Variants in FBXO25 observed in about 807,000 individuals in gnomAD.
FBXO25 encodes the protein F-box only protein 25.
FBXO25 carries 45 observed loss-of-function variants against 51.9 expected under a neutral mutation model. That is an observed-to-expected ratio of 0.87 (90% CI 0.68 to 1.11). The LOEUF (loss-of-function observed/expected upper bound fraction) is 1.11, where lower values mean the gene tolerates loss of function less well. Among genes scored for constraint, FBXO25 ranks in the 50% most tolerant of loss-of-function variants. The pLI, the probability that FBXO25 is intolerant of heterozygous loss-of-function variation, is 0.00. For synonymous variants in FBXO25, 199 were observed against 151.0 expected (o/e 1.32, Z -2.33); for missense variants, 507 against 428.5 (o/e 1.18, Z -1.62).
In FBXO25 at chr8:450,094, C is replaced by T; in HGVS notation, c.475+11C>T. On this transcript the variant is annotated intron_variant, in intron 6 of 9. Coordinates refer to ENST00000350302, the MANE Select transcript of FBXO25 (RefSeq NM_183420.2). ...AAATCGTTCAAAAGGGTAAGATGAT[C>T]ACTGTATTTTTAATACTCTAAATCT... is the stretch of plus-strand genomic sequence containing the variant. 1 of 1,582,716 alleles carries T rather than the reference C, an allele frequency of 6.3e-7. No homozygotes were observed. Among genetic ancestry groups the T allele is most frequent in the Non-Finnish European group, 8.6e-7 (1 of 1,156,736 alleles).
In FBXO25 at chr8:475,914, C is replaced by T. The variant is rs917001793; in HGVS notation, c.*7110C>T. 5.3e-5 allele frequency: 8 copies of T among 152,108 alleles called. No individual in the cohort carries two copies. Among genetic ancestry groups the T allele is most frequent in the African/African-American group, 9.7e-5 (4 of 41,436 alleles). The allele number at this position is 152,108 out of a possible 1,614,324, so 9.4% of individuals were successfully genotyped here. Reference sequence around the variant, plus strand: ...TTCTTGCCTAACTGCTCTAAGACTCCAGTACTGTGTTAAACAGAAGTGGTG... The same window carrying T: ...TTCTTGCCTAACTGCTCTAAGACTCTAGTACTGTGTTAAACAGAAGTGGTG... On this transcript the variant is annotated 3_prime_UTR_variant, in exon 10 of 10. Transcript: ENST00000350302.
At chr8:438,845 G>A (rs1036458891) in intron 5 of FBXO25, among the ~76,000 whole-genome samples, 2 of 152,266 alleles carry the variant, frequency 1.3e-5, no homozygotes, top group East Asian at 1.9e-4. Flanking sequence ...TGGCCTCACC[G>A]CCCCCATCAT....
chr8:436,928 G>T (rs779901282), intron 5 of FBXO25, among the ~76,000 whole-genome samples: 3 of 152,182 alleles, frequency 2.0e-5, no homozygotes, highest in Non-Finnish European at 4.4e-5. Flanking sequence ...GGTGGTTTCT[G>T]TGCTGGGTGC....
chr8:476,138 T>C lies in FBXO25; in HGVS notation c.*7334T>C, dbSNP rs1312853576. ...TCAATGGAGATCACATTTTTTTCCT[T>C]CATTCTATTAATGTAATAGACATTA... On this transcript the variant is annotated 3_prime_UTR_variant, in exon 10 of 10. Transcript: ENST00000350302. The C allele has an allele frequency of 2.0e-5, 3 of 152,170 alleles. No homozygotes were observed. The highest frequency in any genetic ancestry group is 7.2e-5 in the African/African-American group (3 of 41,444). 9.4% of individuals were successfully genotyped at this position (152,170 alleles called of 1,614,324 possible). A position where few individuals can be genotyped will look rare whatever the true frequency, so the allele number is the denominator to read the frequency against.
intron 9 of FBXO25, chr8:468,028 C>G (rs896645308): frequency 4.4e-5 from 57 of 1,293,772 alleles, no homozygotes; most frequent in Non-Finnish European, 5.5e-5. Flanking sequence ...TTTGGCAGCA[C>G]TGCCAGGGCA....
At position 474,850 on chromosome 8, in the gene FBXO25, C is replaced by G. The variant is rs868832217; in HGVS notation, c.*6046C>G. 3 of 452,144 alleles carry G rather than the reference C, an allele frequency of 6.6e-6. No homozygotes were observed. The highest frequency in any genetic ancestry group is 6.5e-4 in the Middle Eastern group (2 of 3,054). 28.0% of individuals were successfully genotyped at this position (452,144 alleles called of 1,614,324 possible). A position where few individuals can be genotyped will look rare whatever the true frequency, so the allele number is the denominator to read the frequency against. On this transcript the variant is annotated 3_prime_UTR_variant, in exon 10 of 10. Coordinates refer to ENST00000350302, the MANE Select transcript of FBXO25 (RefSeq NM_183420.2). ...AGAAGTTGTTTCTTTCTTTTAGTTA[C>G]CTGTGTGTGCCTCTGGTGTCATATC...
chr8:454,742 T>G (rs369721874), intron 7 of FBXO25, among the ~76,000 whole-genome samples: 1 of 151,734 alleles, frequency 6.6e-6, no homozygotes, highest in East Asian at 1.9e-4. Flanking sequence ...ATACAAAAAA[T>G]TAGCCGGGCG....
At chr8:466,514 AAACT>A (rs1383999521) in intron 9 of FBXO25, among the ~76,000 whole-genome samples, 1 of 152,212 alleles carries the variant, frequency 6.6e-6, no homozygotes, top group Non-Finnish European at 1.5e-5. Context: ...GTTGACTGAG[AAACT>A]AAAGTAATAT....
rs114494227 is a variant in FBXO25 at position 421,783 on chromosome 8, T to A, written c.134+8570T>A. Among the ~76,000 whole-genome samples, 1,437 of 152,152 alleles carry A rather than the reference T, an allele frequency of 9.4e-3. 20 individuals carry two copies. Among genetic ancestry groups the A allele is most frequent in the African/African-American group, 0.033 (1,360 of 41,492 alleles). ...GAAGGGGTTGGTTCCAGGGCTGGGATAGAGCAAATGAAAGGTGAGTGATGG... is the reference window on the plus strand; with the variant it reads ...GAAGGGGTTGGTTCCAGGGCTGGGAAAGAGCAAATGAAAGGTGAGTGATGG... On this transcript the variant is annotated intron_variant, in intron 2 of 9. Transcript: ENST00000350302.
intron 2 of FBXO25, among the ~76,000 whole-genome samples, chr8:424,486 A>G (rs1427666856): frequency 6.6e-6 from 1 of 152,226 alleles, no homozygotes; most frequent in Non-Finnish European, 1.5e-5. Flanking sequence ...CCAGGATCTT[A>G]CAGTTTGAGG....
chr8:420,642 T>A (rs1797092577), intron 2 of FBXO25, among the ~76,000 whole-genome samples: 1 of 152,240 alleles, frequency 6.6e-6, no homozygotes, highest in African/African-American at 2.4e-5. Flanking sequence ...CATGGATGAA[T>A]CTTAAATTCG....
intron 5 of FBXO25, among the ~76,000 whole-genome samples, chr8:445,730 G>C (rs1798699406): frequency 6.6e-6 from 1 of 152,152 alleles, no homozygotes; most frequent in South Asian, 2.1e-4. Context: ...AAACTACCGG[G>C]CATGGTGGCA....
Position 413,078 on chromosome 8 carries a change from C to T in FBXO25, c.-2C>T. 6.6e-7 allele frequency: 1 copy of T among 1,509,970 alleles called. No homozygotes were observed. The highest frequency in any genetic ancestry group is 8.8e-7 in the Non-Finnish European group (1 of 1,133,084). 93.5% of individuals were successfully genotyped at this position (1,509,970 alleles called of 1,614,324 possible). On this transcript the variant is annotated 5_prime_UTR_variant, in exon 2 of 10. Transcript: ENST00000350302. ...ATAATTTAACTTTTTCATAGGAGAACTATGCCATTTTTGGGTCAGGACTGG... is the reference window on the plus strand; with the variant it reads ...ATAATTTAACTTTTTCATAGGAGAATTATGCCATTTTTGGGTCAGGACTGG...
intron 2 of FBXO25, among the ~76,000 whole-genome samples, chr8:419,512 G>A (rs964776016): frequency 1.3e-5 from 2 of 152,150 alleles, no homozygotes; most frequent in Admixed American, 6.5e-5. Context: ...AGATATGGTC[G>A]GTTTGTTTTT....
At chr8:426,971 G>C (rs1797528957) in intron 2 of FBXO25, among the ~76,000 whole-genome samples, 1 of 152,000 alleles carries the variant, frequency 6.6e-6, no homozygotes, top group Non-Finnish European at 1.5e-5. Context: ...AAATTGACTG[G>C]ACTTTCTCTT....
intron 2 of FBXO25, among the ~76,000 whole-genome samples, chr8:423,185 A>C (rs1314754640): frequency 6.6e-6 from 1 of 151,082 alleles, no homozygotes; most frequent in African/African-American, 2.4e-5. Flanking sequence ...GACTTCCCTC[A>C]TCACACTGAT....
chr8:443,588 T>G (rs950297608), intron 5 of FBXO25, among the ~76,000 whole-genome samples: 15 of 150,786 alleles, frequency 9.9e-5, no homozygotes, highest in African/African-American at 3.7e-4. Context: ...GACCACTGCT[T>G]GAGCAACTTG....
rs1800622059 is a variant in FBXO25 at position 475,699 on chromosome 8, CCTTTT to C, written c.*6896_*6900del. 6.6e-6 allele frequency: 1 copy of C among 151,912 alleles called. No individual in the cohort carries two copies. Among genetic ancestry groups the C allele is most frequent in the Non-Finnish European group, 1.5e-5 (1 of 67,960 alleles). The allele number at this position is 151,912 out of a possible 1,614,324, so 9.4% of individuals were successfully genotyped here. On this transcript the variant is annotated 3_prime_UTR_variant, in exon 10 of 10. Coordinates refer to ENST00000350302, the MANE Select transcript of FBXO25 (RefSeq NM_183420.2). ...ATTATAATGGAATTTTCTTAAATTT[CCTTTT>C]GAGATTGCTTGTTATTGTATAGAAA...
rs1353396759 is a variant in FBXO25 at position 458,374 on chromosome 8, G to A, written c.666G>A (p.Val222=). The part of the protein sequence containing the change: ...QLQDLQMTKQ[V]NNGLTLSDLP... ...CTGTTGTGTTTTCCTTTCAGCAAGT[G>A]AACAATGGCCTCACCCTCAGTGACC... Residue 222 remains valine, a synonymous_variant, in exon 8 of 10, where the codon GTG becomes GTA. Coordinates refer to ENST00000350302, the MANE Select transcript of FBXO25 (RefSeq NM_183420.2). The A allele has an allele frequency of 6.2e-7, 1 of 1,612,796 alleles. No individual in the cohort carries two copies. The highest frequency in any genetic ancestry group is 1.3e-5 in the African/African-American group (1 of 75,030).
Sources: gnomAD v4.1 joint callset for allele counts (sites outside exome capture counted in the v4.1 genomes callset) on GRCh38, gnomAD v4.1.1 for gene constraint, MANE v1.5 for transcripts, NCBI Gene and HGNC (gene_info 2026-07-23, HGNC 2026-07-21) for gene names.